VPS13C: variants seen among roughly 807,000 people sequenced by gnomAD.
The protein encoded by VPS13C is intermembrane lipid transfer protein VPS13C.
Under a neutral mutation model 456.8 loss-of-function variants are expected in VPS13C, and 358 were observed. The ratio of observed to expected loss-of-function variants is 0.78; its 90% CI spans 0.72 to 0.86. The LOEUF (loss-of-function observed/expected upper bound fraction) is 0.86, where lower values mean the gene tolerates loss of function less well. Among genes scored for constraint, VPS13C ranks in the 40% least tolerant of loss-of-function variants. VPS13C has a pLI of 0.00. For synonymous variants in VPS13C, 1,578 were observed against 1,486.7 expected (o/e 1.06, Z -1.41); for missense variants, 4,818 against 4,385.4 (o/e 1.10, Z -2.79).
At chr15:61,964,167 GA>G (rs1238973815) in intron 31 of VPS13C, among the ~76,000 whole-genome samples, 1 of 151,958 alleles carries the variant, frequency 6.6e-6, no homozygotes, top group Non-Finnish European at 1.5e-5. Context: ...AAAAGCAAGA[GA>G]AAAAACTACA....
chr15:61,933,476 T>C (rs2044127824), intron 49 of VPS13C, among the ~76,000 whole-genome samples: 1 of 152,148 alleles, frequency 6.6e-6, no homozygotes, highest in African/African-American at 2.4e-5. Context: ...ATAATCTGTA[T>C]CTGTTGTTAA....
intron 9 of VPS13C, among the ~76,000 whole-genome samples, chr15:62,017,442 C>T (rs2047297428): frequency 6.6e-6 from 1 of 151,966 alleles, no homozygotes; most frequent in Non-Finnish European, 1.5e-5. Context: ...GTCTTTAGTC[C>T]ATCTTGAATT....
At chr15:62,012,239 CA>C in intron 11 of VPS13C, 75 bp from the exon 12 acceptor site, 1 of 692,376 alleles carries the variant, frequency 1.4e-6, no homozygotes, top group South Asian at 1.9e-5. Flanking sequence ...CACACACACA[CA>C]CACACACACA....
At chr15:61,944,104 G>A (rs536841012) in intron 45 of VPS13C, among the ~76,000 whole-genome samples, 14 of 152,140 alleles carry the variant, frequency 9.2e-5, no homozygotes, top group East Asian at 1.9e-4. Flanking sequence ...ATTTCACAGC[G>A]GTCAGAATGG....
At chr15:62,000,042 G>C (rs1440625448) in intron 16 of VPS13C, among the ~76,000 whole-genome samples, 1 of 151,956 alleles carries the variant, frequency 6.6e-6, no homozygotes, top group African/African-American at 2.4e-5. Flanking sequence ...CTTTCTTCTT[G>C]GAGTTTTTCA....
intron 28 of VPS13C, among the ~76,000 whole-genome samples, chr15:61,968,561 A>G (rs2045450442): frequency 6.6e-6 from 1 of 152,132 alleles, no homozygotes; most frequent in African/African-American, 2.4e-5. Flanking sequence ...GGGAATTTTA[A>G]TTACTGTAGA....
intron 32 of VPS13C, among the ~76,000 whole-genome samples, chr15:61,963,450 T>C (rs1036545257): frequency 6.6e-6 from 1 of 151,812 alleles, no homozygotes; most frequent in African/African-American, 2.4e-5. Flanking sequence ...AAATACATAA[T>C]TATATATAAA....
rs1396922304 is a variant in VPS13C at position 61,868,648 on chromosome 15, AC to A, written c.10863+10del. Reference sequence around the variant, plus strand: ...TCCATTTCACTCGTGACCATGAAGAACAAAATTTACCTCAAGTAAGTCAGAG... The same window carrying A: ...TCCATTTCACTCGTGACCATGAAGAAAAAATTTACCTCAAGTAAGTCAGAG... On this transcript the variant is annotated intron_variant, in intron 81 of 84. Coordinates refer to ENST00000644861, the MANE Select transcript of VPS13C (RefSeq NM_020821.3). 19 of 1,612,648 alleles carry A rather than the reference AC, an allele frequency of 1.2e-5. No homozygotes were observed. The highest frequency in any genetic ancestry group is 1.6e-4 in the Middle Eastern group (1 of 6,082).
At chr15:61,945,954 GT>G (rs961274804) in intron 44 of VPS13C, 72 bp from the exon 45 acceptor site, 89 of 1,267,582 alleles carry the variant, frequency 7.0e-5, no homozygotes, top group Non-Finnish European at 8.8e-5. Flanking sequence ...TTATAAATAA[GT>G]TCTCGTATTA....
At chr15:61,993,086 T>C (rs2046275570) in intron 16 of VPS13C, among the ~76,000 whole-genome samples, 1 of 152,202 alleles carries the variant, frequency 6.6e-6, no homozygotes, top group African/African-American at 2.4e-5. Flanking sequence ...AAGAATCTTC[T>C]ATGAATTCTT....
chr15:61,991,630 T>C, intron 17 of VPS13C, 43 bp downstream of exon 17: 10 of 1,531,816 alleles, frequency 6.5e-6, no homozygotes, highest in Non-Finnish European at 8.8e-6. Context: ...CAGTTTTTTT[T>C]TAACTTAACA....
chr15:62,019,026 G>A (rs188965629), intron 9 of VPS13C, among the ~76,000 whole-genome samples: 2 of 152,106 alleles, frequency 1.3e-5, no homozygotes, highest in African/African-American at 4.8e-5. Context: ...GAGGGTGTAT[G>A]TGTCGAGGAA....
chr15:62,055,502 A>C (rs1322498112), intron 1 of VPS13C, among the ~76,000 whole-genome samples: 1 of 151,372 alleles, frequency 6.6e-6, no homozygotes, highest in African/African-American at 2.4e-5. Context: ...CGGCCTCCCA[A>C]AGTGCTGGGA....
rs371157294 is a variant in VPS13C at position 61,910,213 on chromosome 15, T to A, written c.8808A>T (p.Arg2936=). ...EGSSKPFFYN[R]QDNGTLLSLE... is the part of the protein sequence containing the mutation. ...AGCTCAATAAAGTGCCATTATCCTG[T>A]CGGTTATAAAAGAATGGTTTGGAAG... The change falls in exon 64 of 85, where the codon CGA becomes CGT. Residue 2936 remains arginine (R), a synonymous_variant. Transcript: ENST00000644861. The A allele has an allele frequency of 1.1e-4, 163 of 1,485,604 alleles. No individual in the cohort carries two copies. Among genetic ancestry groups the A allele is most frequent in the Non-Finnish European group, 1.4e-4 (160 of 1,109,192 alleles). The allele number at this position is 1,485,604 out of a possible 1,614,324, so 92.0% of individuals were successfully genotyped here.
intron 37 of VPS13C, among the ~76,000 whole-genome samples, chr15:61,956,702 T>C (rs913314211): frequency 2.0e-5 from 3 of 152,036 alleles, no homozygotes; most frequent in Non-Finnish European, 4.4e-5. Flanking sequence ...GAAAAGGTGA[T>C]CACCTTCACC....
rs766373352 is a variant in VPS13C at position 61,974,289 on chromosome 15, T to C, written c.2537A>G (p.Gln846Arg). The C allele has an allele frequency of 1.2e-6, 2 of 1,610,180 alleles. No individual in the cohort carries two copies. The highest frequency in any genetic ancestry group is 2.2e-5 in the East Asian group (1 of 44,682). Residue 846 changes from glutamine (Q) to arginine (R), a missense_variant and splice_region_variant, in exon 25 of 85, where the codon CAG becomes CGG. Coordinates refer to ENST00000644861, the MANE Select transcript of VPS13C (RefSeq NM_020821.3). ...QKSSAQSPERQVSSIPIISGG... is the reference protein window; with the variant it reads ...QKSSAQSPERRVSSIPIISGG... ...ATACATTTTATTGTATCTATTTACCTGTCTCTCTGGAGACTGGGCTGATGA... is the reference window on the plus strand; with the variant it reads ...ATACATTTTATTGTATCTATTTACCCGTCTCTCTGGAGACTGGGCTGATGA...
intron 51 of VPS13C, among the ~76,000 whole-genome samples, chr15:61,928,254 C>T (rs1306691021): frequency 1.3e-5 from 2 of 151,826 alleles, no homozygotes; most frequent in African/African-American, 4.8e-5. Flanking sequence ...AAAGAATGTG[C>T]ATGTACGCAG....
intron 51 of VPS13C, among the ~76,000 whole-genome samples, chr15:61,928,629 C>T (rs966725624): frequency 2.6e-5 from 4 of 152,148 alleles, no homozygotes; most frequent in Non-Finnish European, 5.9e-5. Context: ...GTGTAATCCA[C>T]AGCACTTGGG....
intron 8 of VPS13C, among the ~76,000 whole-genome samples, chr15:62,023,142 GTAAAA>G (rs2047520008): frequency 6.6e-6 from 1 of 151,714 alleles, no homozygotes; most frequent in African/African-American, 2.4e-5. Flanking sequence ...GTCTTAACAC[GTAAAA>G]TAAAATTCAA....
Sources: gnomAD v4.1 joint callset for allele counts (sites outside exome capture counted in the v4.1 genomes callset) on GRCh38, gnomAD v4.1.1 for gene constraint, MANE v1.5 for transcripts, NCBI Gene and HGNC (gene_info 2026-07-23, HGNC 2026-07-21) for gene names.